MORN1: variants seen among roughly 807,000 people sequenced by gnomAD.
The protein encoded by MORN1 is MORN repeat-containing protein 1.
Under a neutral mutation model 61.9 loss-of-function variants are expected in MORN1, and 67 were observed. The observed-to-expected ratio is 1.08, with a 90% CI of 0.89 to 1.33. The LOEUF (loss-of-function observed/expected upper bound fraction) is 1.33. Ranked by LOEUF, MORN1 falls within the 40% of genes most tolerant of loss-of-function variation. The probability of loss-of-function intolerance (pLI) is 0.00; values close to 1 mark genes in which losing one functional copy is unlikely to be tolerated. For synonymous variants in MORN1, 301 were observed against 292.0 expected (o/e 1.03, Z -0.31); for missense variants, 752 against 691.2 (o/e 1.09, Z -0.99).
chr1:2,332,650 A>G (rs1438267762), intron 12 of MORN1: 2 of 456,278 alleles, frequency 4.4e-6, no homozygotes, highest in Non-Finnish European at 8.8e-6. Context: ...AAGGGGTCAC[A>G]CTCCCGTCTC....
chr1:2,378,759 G>A (rs1433500195), intron 6 of MORN1: 3 of 365,858 alleles, frequency 8.2e-6, no homozygotes, highest in Non-Finnish European at 1.6e-5. Context: ...AGGACGTGTG[G>A]GGCCTGCCCA....
chr1:2,348,801 T>G (rs112418412), intron 10 of MORN1, among the ~76,000 whole-genome samples: 1 of 40,326 alleles, frequency 2.5e-5, no homozygotes, highest in Non-Finnish European at 5.2e-5. Context: ...GCACACGCAC[T>G]CCTGCGCGGG....
At chr1:2,336,970 GATGCCA>G in intron 10 of MORN1, 120 bp from the exon 11 acceptor site, 1 of 1,182,640 alleles carries the variant, frequency 8.5e-7, no homozygotes, top group Non-Finnish European at 1.1e-6. Flanking sequence ...CGCCAGTCGC[GATGCCA>G]TCTTGGTGGG....
intron 10 of MORN1, chr1:2,352,470 C>T (rs1258850927): frequency 6.6e-6 from 1 of 152,528 alleles, no homozygotes; most frequent in Non-Finnish European, 1.5e-5. Context: ...CACATCTCAT[C>T]CTAAGCACAT....
At chr1:2,332,632 G>A (rs762856616) in intron 12 of MORN1, 1 of 456,546 alleles carries the variant, frequency 2.2e-6, no homozygotes, top group South Asian at 1.5e-5. Flanking sequence ...CGTGGCGTCT[G>A]GACATGGAAG....
intron 6 of MORN1, chr1:2,377,797 C>G (rs1020897457): frequency 6.6e-6 from 1 of 152,420 alleles, no homozygotes; most frequent in Non-Finnish European, 1.5e-5. Flanking sequence ...GGGGCTCCAG[C>G]TTTCCCCAGT....
rs183386851 is a variant in MORN1, at chr1:2,336,569, G to A, written c.1171-21C>T. 94 of 1,611,912 alleles carry A rather than the reference G, an allele frequency of 5.8e-5. No homozygotes were observed. The East Asian group carries it at 2.0e-3, about 34-fold the overall frequency. On this transcript the variant is annotated intron_variant, in intron 11 of 13. Coordinates refer to ENST00000378531, the MANE Select transcript of MORN1 (RefSeq NM_024848.3). The stretch of plus-strand genomic sequence containing the variant: ...GCCTTCTAGAAAGATTGGGCAGGAG[G>A]AGGGGAGAAGGAAAGGCTCAGAAGG...
In MORN1 at chr1:2,369,736, T is replaced by C. The variant is rs1472502909; in HGVS notation, c.745+2745A>G. ...AAATAATTAATAAAATAATTATAAT[T>C]CAATATCTAATAAATAACATTATTA... On this transcript the variant is annotated intron_variant, in intron 8 of 13. Coordinates refer to ENST00000378531, the MANE Select transcript of MORN1 (RefSeq NM_024848.3). Among the ~76,000 whole-genome samples, 3 of 152,086 alleles carry C rather than the reference T, an allele frequency of 2.0e-5. No homozygotes were observed. The East Asian group carries it at 5.8e-4, about 29-fold the overall frequency.
intron 10 of MORN1, among the ~76,000 whole-genome samples, chr1:2,348,673 A>T (rs569040056): frequency 1.8e-3 from 261 of 148,054 alleles, no homozygotes; most frequent in African/African-American, 6.1e-3. Flanking sequence ...GCACACGCAC[A>T]CCTGCGCAGG....
intron 8 of MORN1, among the ~76,000 whole-genome samples, chr1:2,368,798 C>T (rs1049201649): frequency 1.3e-5 from 2 of 152,212 alleles, no homozygotes; most frequent in Non-Finnish European, 2.9e-5. Context: ...GTGGCTCATG[C>T]TTGTAATCCC....
In MORN1 at chr1:2,372,111, C is replaced by T. The variant is rs1642135280; in HGVS notation, c.745+370G>A. 1 of 236,852 alleles carries T rather than the reference C, an allele frequency of 4.2e-6. No homozygotes were observed. Among genetic ancestry groups the T allele is most frequent in the Non-Finnish European group, 8.5e-6 (1 of 118,090 alleles). The allele number at this position is 236,852 out of a possible 1,614,324, so 14.7% of individuals were successfully genotyped here. ...TGAGTGGGGAAGCAGAAAGTAGCCC[C>T]TCACTAGAATGGAAGACTGTTCCTC... On this transcript the variant is annotated intron_variant, in intron 8 of 13. Coordinates refer to ENST00000378531, the MANE Select transcript of MORN1 (RefSeq NM_024848.3). This position sits in a 1 kb window ranked among gnomAD's most constrained non-coding sequence, Gnocchi z 5.4.
chr1:2,364,700 C>T (rs564220801), intron 8 of MORN1, among the ~76,000 whole-genome samples: 429 of 151,538 alleles, frequency 2.8e-3, no homozygotes, highest in African/African-American at 9.9e-3. Flanking sequence ...TTAGGTCTAA[C>T]GTTTAAATCT....
intron 10 of MORN1, chr1:2,352,239 C>A (rs754646047): frequency 4.9e-6 from 1 of 203,074 alleles, no homozygotes; most frequent in East Asian, 1.3e-4. Flanking sequence ...TTATGCTTCC[C>A]CCTTTCTCCT....
At chr1:2,323,997 C>T (rs996533192) in intron 13 of MORN1, 100 bp downstream of exon 13, 44 of 1,471,868 alleles carry the variant, frequency 3.0e-5, no homozygotes, top group Middle Eastern at 2.4e-4. Flanking sequence ...CTGGGGGCCC[C>T]GGGCCGAGTT....
chr1:2,335,474 C>T (rs776707687), intron 12 of MORN1, among the ~76,000 whole-genome samples: 4 of 152,284 alleles, frequency 2.6e-5, no homozygotes, highest in Non-Finnish European at 5.9e-5. Context: ...CCCTCCTCTG[C>T]CCCTGAAGCC....
chr1:2,380,661 C>T (rs1229040853), intron 6 of MORN1, among the ~76,000 whole-genome samples: 7 of 152,112 alleles, frequency 4.6e-5, no homozygotes, highest in Admixed American at 1.3e-4. Context: ...CCTCCCTCCT[C>T]AGCCTCCTGA....
chr1:2,348,825 G>A (rs373884450), intron 10 of MORN1, among the ~76,000 whole-genome samples: 2 of 151,698 alleles, frequency 1.3e-5, no homozygotes, highest in Admixed American at 6.6e-5. Context: ...GCACACACAC[G>A]CACGCACACG....
intron 10 of MORN1, among the ~76,000 whole-genome samples, chr1:2,340,971 G>A (rs930670950): frequency 2.0e-5 from 3 of 152,220 alleles, no homozygotes; most frequent in South Asian, 2.1e-4. Context: ...TACCAGCCAC[G>A]AGACCACGAC....
intron 6 of MORN1, among the ~76,000 whole-genome samples, chr1:2,381,637 G>T (rs1200662150): frequency 2.6e-5 from 4 of 152,162 alleles, no homozygotes; most frequent in Admixed American, 2.0e-4. Flanking sequence ...TCACGCGAAG[G>T]GTTTGGCACC....
Sources: gnomAD v4.1 joint callset for allele counts (sites outside exome capture counted in the v4.1 genomes callset) on GRCh38, gnomAD v4.1.1 for gene constraint, Gnocchi (gnomAD v3.1) non-coding constraint, MANE v1.5 for transcripts, NCBI Gene and HGNC (gene_info 2026-07-23, HGNC 2026-07-21) for gene names.